The following GYPE variants were observed in gnomAD, a reference collection of about 807,000 sequenced individuals.
GYPE encodes glycophorin-E.
A neutral mutation model predicts 11.6 loss-of-function variants in GYPE; 8 were observed. The observed-to-expected ratio is 0.69, with a 90% confidence interval of 0.41 to 1.25. The LOEUF is 1.25. GYPE is among the 50% of genes most tolerant of loss of function. The pLI is 0.01. For missense variants in GYPE, 90 were observed against 92.8 expected (o/e 0.97, Z 0.12); for synonymous variants, 28 against 29.6 (o/e 0.94, Z 0.18).
At chr4:143,875,528 A>G in intron 3 of GYPE, 1 of 1,550,936 alleles carries the variant, frequency 6.4e-7, no homozygotes, top group Non-Finnish European at 8.7e-7. Flanking sequence ...AAAAGACAGA[A>G]GTTTCCACTT....
chr4:143,881,178 G>A (rs529805737), intron 1 of GYPE, among the ~76,000 whole-genome samples: 4 of 142,290 alleles, frequency 2.8e-5, no homozygotes, highest in Admixed American at 7.1e-5. Flanking sequence ...GTGACAGAAC[G>A]AGACTCCGTC....
At position 143,871,917 on chromosome 4, in the gene GYPE, C is replaced by A. The variant is rs773963089; in HGVS notation, c.*345G>T. ...ATTCAAAGTATCAAATGGAATGTGA[C>A]TGAAGAGTTATCTTGCTGATCTTAC... is the stretch of plus-strand genomic sequence containing the variant. On this transcript the variant is annotated 3_prime_UTR_variant, in exon 4 of 4. Transcript: ENST00000358615. The A allele has an allele frequency of 1.3e-5, 2 of 152,068 alleles. No homozygotes were observed. Among genetic ancestry groups the A allele is most frequent in the East Asian group, 3.9e-4 (2 of 5,174 alleles). 9.4% of individuals were successfully genotyped at this position (152,068 alleles called of 1,614,324 possible). A position where few individuals can be genotyped will look rare whatever the true frequency, so the allele number is the denominator to read the frequency against.
chr4:143,877,895 G>T (rs965691007), intron 2 of GYPE, among the ~76,000 whole-genome samples: 6 of 147,498 alleles, frequency 4.1e-5, no homozygotes, highest in African/African-American at 1.5e-4. Context: ...GTTGCATTGG[G>T]CCAAAAATGA....
intron 1 of GYPE, among the ~76,000 whole-genome samples, chr4:143,882,498 A>G (rs1411703384): frequency 6.6e-6 from 1 of 152,220 alleles, no homozygotes; most frequent in Non-Finnish European, 1.5e-5. Flanking sequence ...ACCTGAGTAA[A>G]ATAGGTTTAG....
chr4:143,895,977 C>T (rs1264913130), intron 1 of GYPE, among the ~76,000 whole-genome samples: 2 of 152,012 alleles, frequency 1.3e-5, no homozygotes, highest in Non-Finnish European at 2.9e-5. Flanking sequence ...AAACTGGATC[C>T]CTTCCTTACA....
intron 1 of GYPE, among the ~76,000 whole-genome samples, chr4:143,904,722 G>A (rs1401622760): frequency 1.3e-5 from 2 of 152,050 alleles, no homozygotes; most frequent in Non-Finnish European, 1.5e-5. Flanking sequence ...CCTGTGTGCT[G>A]GGCACTAGTA....
At chr4:143,875,988 TAAA>T (rs937630534) in intron 3 of GYPE, among the ~76,000 whole-genome samples, 4 of 148,796 alleles carry the variant, frequency 2.7e-5, no homozygotes, top group Non-Finnish European at 6.0e-5. Flanking sequence ...AAAAAAAAAA[TAAA>T]AAAAGCATTA....
chr4:143,889,648 C>T (rs749821275), intron 1 of GYPE, among the ~76,000 whole-genome samples: 90 of 152,194 alleles, frequency 5.9e-4, no homozygotes, highest in Middle Eastern at 3.2e-3. Context: ...ACTATAGGTG[C>T]GCACCGCCAT....
intron 3 of GYPE, among the ~76,000 whole-genome samples, chr4:143,872,860 G>A (rs1215433397): frequency 1.6e-5 from 2 of 123,352 alleles, no homozygotes; most frequent in Non-Finnish European, 3.3e-5. Context: ...GCAACCAAAT[G>A]ACAGGAGAGA....
chr4:143,894,262 C>T (rs1410213519), intron 1 of GYPE, among the ~76,000 whole-genome samples: 1 of 151,910 alleles, frequency 6.6e-6, no homozygotes, highest in Non-Finnish European at 1.5e-5. Flanking sequence ...TGAATTTCCT[C>T]CTGTAGCTTG....
chr4:143,904,796 A>C (rs1280664614), intron 1 of GYPE, among the ~76,000 whole-genome samples: 1 of 152,212 alleles, frequency 6.6e-6, no homozygotes, highest in Non-Finnish European at 1.5e-5. Flanking sequence ...GAAAGAGGCC[A>C]AAATCATGTT....
At chr4:143,897,569 G>A (rs1306087860) in intron 1 of GYPE, among the ~76,000 whole-genome samples, 5 of 152,156 alleles carry the variant, frequency 3.3e-5, no homozygotes, top group Non-Finnish European at 5.9e-5. Context: ...TCAGACAAGT[G>A]TGTGTGTGAG....
intron 1 of GYPE, among the ~76,000 whole-genome samples, chr4:143,885,287 T>G (rs1744188814): frequency 6.6e-6 from 1 of 152,202 alleles, no homozygotes; most frequent in Non-Finnish European, 1.5e-5. Context: ...AAAAGTATTT[T>G]AAATTTTTAA....
At chr4:143,873,614 C>T (rs1188667603) in intron 3 of GYPE, 1 of 343,330 alleles carries the variant, frequency 2.9e-6, no homozygotes, top group Non-Finnish European at 5.7e-6. Flanking sequence ...CAGATAGAGA[C>T]AACAATTCTA....
chr4:143,897,627 C>T (rs1188872495), intron 1 of GYPE, among the ~76,000 whole-genome samples: 3 of 152,132 alleles, frequency 2.0e-5, no homozygotes, highest in Non-Finnish European at 2.9e-5. Flanking sequence ...CTCAATAATA[C>T]TTGATTATGT....
intron 1 of GYPE, among the ~76,000 whole-genome samples, chr4:143,896,778 C>T (rs181686190): frequency 2.6e-5 from 4 of 152,272 alleles, no homozygotes; most frequent in African/African-American, 7.2e-5. Context: ...CAATGATAGA[C>T]TGGATTAAGA....
rs10004191 is a variant in GYPE at position 143,891,414 on chromosome 4, C to T, written c.38-10905G>A. Among the ~76,000 whole-genome samples, 351 of 150,092 alleles carry T rather than the reference C, an allele frequency of 2.3e-3. 2 individuals are homozygous for T. Among genetic ancestry groups the T allele is most frequent in the African/African-American group, 6.2e-3 (251 of 40,722 alleles). On this transcript the variant is annotated intron_variant, in intron 1 of 3. Transcript: ENST00000358615. ...CCTGATCTCGGCTGACTGCAAGCTC[C>T]GCCTCCCGGGTTCACTCCATTCTCC...
In GYPE at chr4:143,876,788, T is replaced by C. The variant is rs1305890259; in HGVS notation, c.204A>G (p.Gly68=). ...VIFEVMLVVV[G]MIILISYCIR ...TACAGTAAGAAATTAAGATGATCAT[T>C]CCAACAACAACAAGCATCACCTCAA... Residue 68 remains glycine, a synonymous_variant, in exon 3 of 4, where the codon GGA becomes GGG. Transcript: ENST00000358615. 2 of 1,608,860 alleles carry C rather than the reference T, an allele frequency of 1.2e-6. No individual in the cohort carries two copies. The highest frequency in any genetic ancestry group is 2.7e-5 in the African/African-American group (2 of 74,690).
At chr4:143,900,612 CA>C (rs1244902085) in intron 1 of GYPE, among the ~76,000 whole-genome samples, 71 of 149,380 alleles carry the variant, frequency 4.8e-4, no homozygotes, top group African/African-American at 1.5e-3. Flanking sequence ...GATGGATAAA[CA>C]AAATGTGATA....
Sources: gnomAD v4.1 joint callset for allele counts (sites outside exome capture counted in the v4.1 genomes callset) on GRCh38, gnomAD v4.1.1 for gene constraint, MANE v1.5 for transcripts, NCBI Gene and HGNC (gene_info 2026-07-23, HGNC 2026-07-21) for gene names.